Variants in PCDHGA1 observed in about 807,000 individuals in gnomAD.
PCDHGA1 encodes protocadherin gamma-A1.
Under a neutral mutation model 58.0 loss-of-function variants are expected in PCDHGA1, and 32 were observed. The observed-to-expected ratio is 0.55, with a 90% CI of 0.42 to 0.74. PCDHGA1 has a LOEUF of 0.74. PCDHGA1 is among the 30% of genes least tolerant of loss of function. PCDHGA1 has a pLI of 0.00. For synonymous variants in PCDHGA1, 498 were observed against 501.1 expected, an observed-to-expected ratio of 0.99 and a Z score of 0.08; for missense variants, 1,205 against 1,182.3, an observed-to-expected ratio of 1.02 and a Z score of -0.28.
intron 1 of PCDHGA1, chr5:141,344,410 T>C (rs770238038): frequency 6.2e-7 from 1 of 1,612,144 alleles, no homozygotes; most frequent in Admixed American, 1.7e-5. Flanking sequence ...ATTAAAGATA[T>C]TAATGATAAT....
intron 1 of PCDHGA1, chr5:141,375,866 G>T: frequency 1.2e-6 from 2 of 1,613,948 alleles, no homozygotes; most frequent in Non-Finnish European, 8.5e-7. Flanking sequence ...GGTGGCGGTG[G>T]ACAGAGACTC....
At chr5:141,375,529 C>A (rs370346410) in intron 1 of PCDHGA1, 3 of 1,614,026 alleles carry the variant, frequency 1.9e-6, no homozygotes, top group African/African-American at 1.3e-5. Flanking sequence ...CTGACGTGGA[C>A]CAGAACGCCC....
At chr5:141,404,323 C>G (rs777252767) in intron 1 of PCDHGA1, 24 of 1,613,756 alleles carry the variant, frequency 1.5e-5, no homozygotes, top group Non-Finnish European at 2.0e-5. Flanking sequence ...AAGCCTCCTA[C>G]TCAGTCTACC....
chr5:141,384,160 A>G, intron 1 of PCDHGA1: 1 of 1,613,640 alleles, frequency 6.2e-7, no homozygotes, highest in African/African-American at 1.3e-5. Flanking sequence ...GTATAACATC[A>G]CACTGAAAGC....
At chr5:141,414,312 C>T in intron 1 of PCDHGA1, 1 of 1,613,724 alleles carries the variant, frequency 6.2e-7, no homozygotes, top group South Asian at 1.1e-5. Context: ...ATGATTTAGA[C>T]TCTGAGCAGA....
At chr5:141,398,014 C>G in intron 1 of PCDHGA1, 1 of 1,420,276 alleles carries the variant, frequency 7.0e-7, no homozygotes, top group Non-Finnish European at 9.4e-7. Flanking sequence ...AGAATCGTTT[C>G]CTAAACTGGA....
intron 2 of PCDHGA1, among the ~76,000 whole-genome samples, chr5:141,500,774 A>G (rs1479931234): frequency 6.6e-6 from 1 of 152,188 alleles, no homozygotes; most frequent in Non-Finnish European, 1.5e-5. Context: ...TCTTATGAAT[A>G]TACATATTAT....
At chr5:141,450,881 G>A (rs1205242412) in intron 1 of PCDHGA1, among the ~76,000 whole-genome samples, 1 of 149,726 alleles carries the variant, frequency 6.7e-6, no homozygotes, top group African/African-American at 2.5e-5. Flanking sequence ...CTGGTGTGCA[G>A]TGGTGCGATA....
At chr5:141,473,039 A>G (rs1593411714) in intron 1 of PCDHGA1, among the ~76,000 whole-genome samples, 1 of 152,016 alleles carries the variant, frequency 6.6e-6, no homozygotes, top group East Asian at 1.9e-4. Context: ...GGAAGGAAAG[A>G]AAGAAAGAAG....
Position 141,380,147 on chromosome 5 carries a change from G to A in PCDHGA1, c.2421+47042G>A, listed in dbSNP as rs191814510. On this transcript the variant is annotated intron_variant, in intron 1 of 3. Transcript: ENST00000517417. ...ACTCCTGACCTTAAGTGATCCACCC[G>A]CCTCAGCCTCTCAAAGGGCTGGGAT... Among the ~76,000 whole-genome samples the A allele has an allele frequency of 2.4e-3, 365 of 152,108 alleles. 1 individual carries two copies. Among genetic ancestry groups the A allele is most frequent in the Non-Finnish European group, 4.5e-3 (306 of 67,982 alleles).
In PCDHGA1 at chr5:141,480,546, G is replaced by A. The variant is rs184388425; in HGVS notation, c.2422-14261G>A. Reference sequence around the variant, plus strand: ...GACAAAGTAGAAGCACATATGAAAAGGCTAAGAAAGCATGAAAGCCAGCAA... The same window carrying A: ...GACAAAGTAGAAGCACATATGAAAAAGCTAAGAAAGCATGAAAGCCAGCAA... On this transcript the variant is annotated intron_variant, in intron 1 of 3. Coordinates refer to ENST00000517417, the MANE Select transcript of PCDHGA1 (RefSeq NM_018912.3). 4.9e-4 allele frequency among the ~76,000 whole-genome samples: 63 copies of A among 128,620 alleles called. 1 individual carries two copies. Among genetic ancestry groups the A allele is most frequent in the Middle Eastern group, 4.2e-3 (1 of 236 alleles). The allele number at this position is 128,620 out of a possible 152,430, so 84.4% of individuals were successfully genotyped here. A position where few individuals can be genotyped will look rare whatever the true frequency, so the allele number is the denominator to read the frequency against.
intron 3 of PCDHGA1, among the ~76,000 whole-genome samples, chr5:141,507,784 T>C (rs2099863290): frequency 6.6e-6 from 1 of 152,136 alleles, no homozygotes; most frequent in Non-Finnish European, 1.5e-5. Context: ...GGCCTGACCC[T>C]CGTCTAAGCC....
chr5:141,436,590 C>T (rs1050788291), intron 1 of PCDHGA1, among the ~76,000 whole-genome samples: 10 of 152,102 alleles, frequency 6.6e-5, no homozygotes, highest in East Asian at 1.9e-4. Context: ...TTTGAAAGGT[C>T]GTGGTGATGG....
intron 1 of PCDHGA1, chr5:141,374,267 C>A: frequency 6.2e-7 from 1 of 1,614,008 alleles, no homozygotes; most frequent in Non-Finnish European, 8.5e-7. Flanking sequence ...GTTGGCGGAG[C>A]ACGGAGTCCG....
chr5:141,361,286 G>A (rs1761959082), intron 1 of PCDHGA1: 2 of 1,613,878 alleles, frequency 1.2e-6, no homozygotes, highest in South Asian at 2.2e-5. Context: ...GAAGTTTACT[G>A]CCAAGTGTTG....
intron 1 of PCDHGA1, chr5:141,345,022 G>A (rs764710272): frequency 3.7e-6 from 6 of 1,613,906 alleles, no homozygotes; most frequent in Non-Finnish European, 5.1e-6. Context: ...CTTCTTTCAA[G>A]AGCCAAGATT....
intron 1 of PCDHGA1, chr5:141,390,655 A>G (rs2092202484): frequency 4.9e-6 from 1 of 204,734 alleles, no homozygotes; most frequent in Non-Finnish European, 9.8e-6. Flanking sequence ...GCTTGGATAT[A>G]CCATAAATAT....
chr5:141,388,135 T>C, intron 1 of PCDHGA1: 1 of 1,452,398 alleles, frequency 6.9e-7, no homozygotes, highest in Non-Finnish European at 9.5e-7. Flanking sequence ...AGCGGGGAGT[T>C]GCTTGTGAGC....
At position 141,408,935 on chromosome 5, in the gene PCDHGA1, G is replaced by A. The variant is rs773802276; in HGVS notation, c.2421+75830G>A. 6.8e-6 allele frequency: 11 copies of A among 1,613,590 alleles called. No homozygotes were observed. Among genetic ancestry groups the A allele is most frequent in the Non-Finnish European group, 9.3e-6 (11 of 1,179,752 alleles). ...TGATAACCCCCCGGTTTTCAGCAGAGACGAATATAGAATTAGTCTTAGTGA... is the reference window on the plus strand; with the variant it reads ...TGATAACCCCCCGGTTTTCAGCAGAAACGAATATAGAATTAGTCTTAGTGA... On this transcript the variant is annotated intron_variant, in intron 1 of 3. Coordinates refer to ENST00000517417, the MANE Select transcript of PCDHGA1 (RefSeq NM_018912.3).
Sources: allele counts gnomAD v4.1 joint callset (sites outside exome capture counted in the v4.1 genomes callset), GRCh38; gene constraint gnomAD v4.1.1; transcripts MANE v1.5; gene names NCBI Gene and HGNC (gene_info 2026-07-23, HGNC 2026-07-21).